CDH8: variants seen among roughly 807,000 people sequenced by gnomAD.
The protein encoded by CDH8 is cadherin-8.
Under a neutral mutation model 68.1 loss-of-function variants are expected in CDH8, and 17 were observed. The ratio of observed to expected loss-of-function variants is 0.25; its 90% confidence interval spans 0.17 to 0.37. CDH8 has a LOEUF of 0.37. Ranked by LOEUF, CDH8 falls within the 10% of genes least tolerant of loss-of-function variation. The pLI is 1.00. For synonymous variants in CDH8, 372 were observed against 365.1 expected (o/e 1.02, Z -0.21); for missense variants, 763 against 999.3 (o/e 0.76, Z 3.19).
At chr16:61,852,230 T>C (rs1342068042) in intron 4 of CDH8, among the ~76,000 whole-genome samples, 1 of 152,062 alleles carries the variant, frequency 6.6e-6, no homozygotes, top group Non-Finnish European at 1.5e-5. Flanking sequence ...TACTTCATTC[T>C]CTCCGAAACA....
chr16:61,723,148 G>T lies in CDH8; in HGVS notation c.1536+3946C>A, dbSNP rs374213807. 2.9e-4 allele frequency among the ~76,000 whole-genome samples: 43 copies of T among 150,766 alleles called. No individual in the cohort carries two copies. In the South Asian group the frequency reaches 8.9e-3, roughly 31 times the overall value. ...AGAAAGTCACCCTAATTCTGTATAT[G>T]GTAACCAAGAGGTTAATATCTGAAA... is the stretch of plus-strand genomic sequence containing the variant. On this transcript the variant is annotated intron_variant, in intron 9 of 11. Coordinates refer to ENST00000577390, the MANE Select transcript of CDH8 (RefSeq NM_001796.5).
At chr16:61,750,458 G>A (rs1960132344) in intron 8 of CDH8, among the ~76,000 whole-genome samples, 1 of 152,068 alleles carries the variant, frequency 6.6e-6, no homozygotes, top group Admixed American at 6.6e-5. Flanking sequence ...CTTATATTGG[G>A]AAAGTTGTAT....
At chr16:61,992,169 A>C (rs1477695767) in intron 2 of CDH8, among the ~76,000 whole-genome samples, 1 of 151,782 alleles carries the variant, frequency 6.6e-6, no homozygotes, top group Non-Finnish European at 1.5e-5. Flanking sequence ...AAGTACCTTT[A>C]ATATGTGGTT....
intron 2 of CDH8, chr16:61,940,664 G>C (rs889149824): frequency 4.3e-4 from 65 of 152,452 alleles, no homozygotes; most frequent in African/African-American, 1.4e-3. Flanking sequence ...GCCTCCCAAA[G>C]TTCTGGGATT....
intron 8 of CDH8, among the ~76,000 whole-genome samples, chr16:61,756,651 T>C (rs1278556100): frequency 2.0e-5 from 3 of 152,180 alleles, no homozygotes; most frequent in African/African-American, 7.2e-5. Context: ...ATAGAGAACA[T>C]ATTTTTTTGT....
intron 10 of CDH8, among the ~76,000 whole-genome samples, chr16:61,662,087 G>GTTTTTTTTTTTTTTTTTTTTTTATT: frequency 2.2e-5 from 2 of 92,790 alleles, no homozygotes; most frequent in African/African-American, 4.0e-5. Flanking sequence ...TTTTACTTTA[G>GTTTTTTTTTTTTTTTTTTTTTTATT]TTTTTTTTTT....
chr16:61,903,724 C>T (rs940790137), intron 2 of CDH8, among the ~76,000 whole-genome samples: 7 of 152,192 alleles, frequency 4.6e-5, no homozygotes, highest in East Asian at 1.9e-4. Flanking sequence ...GCCTAGAAGA[C>T]GGGGATAAAG....
intron 3 of CDH8, among the ~76,000 whole-genome samples, chr16:61,888,801 G>A (rs187093973): frequency 0.016 from 2,471 of 152,182 alleles, 38 homozygotes; most frequent in Non-Finnish European, 0.022. Context: ...GCTTCAAAAA[G>A]TGTTAACTTT....
intron 4 of CDH8, among the ~76,000 whole-genome samples, chr16:61,831,723 T>C (rs560133193): frequency 6.6e-6 from 1 of 151,968 alleles, no homozygotes; most frequent in Admixed American, 6.6e-5. Context: ...GGCAAGGGGA[T>C]GCTGATTGAC....
intron 2 of CDH8, among the ~76,000 whole-genome samples, chr16:61,912,011 A>G (rs1431122245): frequency 6.6e-6 from 1 of 152,090 alleles, no homozygotes; most frequent in Non-Finnish European, 1.5e-5. Context: ...TACTAATAGG[A>G]GCTGAAAATA....
intron 4 of CDH8, among the ~76,000 whole-genome samples, chr16:61,854,469 C>A (rs764868636): frequency 6.6e-5 from 10 of 152,022 alleles, no homozygotes; most frequent in Non-Finnish European, 1.0e-4. Flanking sequence ...CCTCTTTGAT[C>A]GCATGGGTAG....
intron 8 of CDH8, among the ~76,000 whole-genome samples, chr16:61,733,536 AT>A (rs1453408530): frequency 2.6e-5 from 4 of 152,164 alleles, no homozygotes; most frequent in Non-Finnish European, 4.4e-5. Context: ...AAACTATCAA[AT>A]AAAGTAAAAA....
At chr16:61,846,805 T>G (rs1962815540) in intron 4 of CDH8, among the ~76,000 whole-genome samples, 1 of 152,094 alleles carries the variant, frequency 6.6e-6, no homozygotes, top group Admixed American at 6.6e-5. Context: ...TAAAACAGAC[T>G]GGGATACTCA....
intron 10 of CDH8, among the ~76,000 whole-genome samples, chr16:61,695,047 GGGATTATAGGCATGAGCCACCATGCCC>G (rs1179532186): frequency 6.6e-6 from 1 of 152,046 alleles, no homozygotes; most frequent in African/African-American, 2.4e-5. Flanking sequence ...TCAAAGTGCT[GGGATTATAGGCATGAGCCACCATGCCC>G]GGCCTTCTTC....
chr16:62,029,678 T>G (rs1356378334), intron 1 of CDH8, among the ~76,000 whole-genome samples: 1 of 152,222 alleles, frequency 6.6e-6, no homozygotes, highest in Non-Finnish European at 1.5e-5. Context: ...AAACATTGCC[T>G]GGTACATATC....
rs549802864 is a variant in CDH8 at position 61,970,141 on chromosome 16, G to A, written c.252+51011C>T. On this transcript the variant is annotated intron_variant, in intron 2 of 11. Transcript: ENST00000577390. ...ATTGGGATGCTGAACTTTTACCTAA[G>A]TTAGTAAGATGCCATAATCCATGTA... 1.2e-4 allele frequency among the ~76,000 whole-genome samples: 19 copies of A among 152,230 alleles called. No homozygotes were observed. In the East Asian group the frequency reaches 3.3e-3, roughly 26 times the overall value.
chr16:61,726,860 G>A, intron 9 of CDH8: 1 of 512,552 alleles, frequency 2.0e-6, no homozygotes, highest in Non-Finnish European at 3.4e-6. Flanking sequence ...ATTTGGCTCT[G>A]GGTTTGTGGC....
At chr16:62,004,671 A>G (rs1965944724) in intron 2 of CDH8, among the ~76,000 whole-genome samples, 1 of 152,222 alleles carries the variant, frequency 6.6e-6, no homozygotes, top group Non-Finnish European at 1.5e-5. Context: ...TGGTGTTTCA[A>G]ACACAAGGCT....
intron 8 of CDH8, among the ~76,000 whole-genome samples, chr16:61,760,813 T>C (rs575188359): frequency 7.9e-5 from 12 of 152,110 alleles, no homozygotes; most frequent in Admixed American, 7.9e-4. Flanking sequence ...ATATTAACAT[T>C]AAACAAATAA....
Sources: gnomAD v4.1 joint callset for allele counts (sites outside exome capture counted in the v4.1 genomes callset) on GRCh38, gnomAD v4.1.1 for gene constraint, MANE v1.5 for transcripts, NCBI Gene and HGNC (gene_info 2026-07-23, HGNC 2026-07-21) for gene names.